Variants in IFT88 observed in about 807,000 individuals in gnomAD.
IFT88 encodes intraflagellar transport protein 88 homolog.
Under a neutral mutation model 119.5 loss-of-function variants are expected in IFT88, and 74 were observed. The observed-to-expected ratio is 0.62, with a 90% confidence interval of 0.51 to 0.75. The LOEUF is 0.75. Among genes scored for constraint, IFT88 ranks in the 30% least tolerant of loss-of-function variants. The probability of loss-of-function intolerance (pLI) is 0.00; values close to 1 mark genes in which losing one functional copy is unlikely to be tolerated. For synonymous variants in IFT88, 279 were observed against 316.7 expected, an observed-to-expected ratio of 0.88 and a Z score of 1.26; for missense variants, 961 against 977.7, an observed-to-expected ratio of 0.98 and a Z score of 0.23.
intron 24 of IFT88, among the ~76,000 whole-genome samples, chr13:20,676,488 A>T (rs1383274543): frequency 6.6e-6 from 1 of 152,246 alleles, no homozygotes; most frequent in Non-Finnish European, 1.5e-5. Flanking sequence ...TGTCCACTGC[A>T]CTGCCAGCGC....
chr13:20,612,368 C>T (rs1313726764), intron 13 of IFT88: 1 of 152,080 alleles, frequency 6.6e-6, no homozygotes, highest in Non-Finnish European at 1.5e-5. Context: ...ACACTATACA[C>T]TACCCATGAA....
intron 20 of IFT88, among the ~76,000 whole-genome samples, chr13:20,651,498 AT>A (rs2051691634): frequency 6.7e-6 from 1 of 149,932 alleles, no homozygotes; most frequent in Non-Finnish European, 1.5e-5. Flanking sequence ...TAGCCTCAGC[AT>A]TATTTATAGT....
At chr13:20,611,069 G>C (rs945005351) in intron 13 of IFT88, among the ~76,000 whole-genome samples, 8 of 151,814 alleles carry the variant, frequency 5.3e-5, no homozygotes, top group Non-Finnish European at 8.8e-5. Context: ...ACCAGCCTGG[G>C]TGACAGAGTG....
intron 2 of IFT88, among the ~76,000 whole-genome samples, chr13:20,582,071 A>AC (rs2038795267): frequency 6.6e-6 from 1 of 151,724 alleles, no homozygotes; most frequent in Non-Finnish European, 1.5e-5. Flanking sequence ...TGGGAAGTAG[A>AC]TTGAAATAAA....
chr13:20,654,543 A>T (rs2052406196), intron 21 of IFT88, among the ~76,000 whole-genome samples: 1 of 152,238 alleles, frequency 6.6e-6, no homozygotes, highest in South Asian at 2.1e-4. Context: ...CCTCTTGTAG[A>T]GCATAAAAAT....
intron 20 of IFT88, among the ~76,000 whole-genome samples, chr13:20,651,796 G>A (rs538201934): frequency 2.8e-4 from 42 of 152,228 alleles, no homozygotes; most frequent in Non-Finnish European, 5.4e-4. Flanking sequence ...ATAGGGTTCA[G>A]TAGTATTTGT....
In IFT88 at chr13:20,568,074, G is replaced by A. The variant is rs1051624272; in HGVS notation, c.-7+818G>A. The A allele has an allele frequency of 9.9e-6, 7 of 705,016 alleles. No individual in the cohort carries two copies. In the African/African-American group the frequency reaches 1.1e-4, roughly 11 times the overall value. The allele number at this position is 705,016 out of a possible 1,614,324, so 43.7% of individuals were successfully genotyped here. ...CAGAAAGTTTACGAATTTGTGTTGG[G>A]CCACATTCAAAGCCGTCCTGTGCCA... On this transcript the variant is annotated intron_variant, in intron 1 of 25. Coordinates refer to ENST00000351808, the MANE Select transcript of IFT88 (RefSeq NM_006531.5).
At chr13:20,603,362 G>A (rs936165622) in intron 12 of IFT88, among the ~76,000 whole-genome samples, 22 of 149,820 alleles carry the variant, frequency 1.5e-4, no homozygotes, top group Admixed American at 1.4e-3. Context: ...CTCCAGCCTG[G>A]GTGACAAGAG....
chr13:20,668,653 A>G (rs2055196948), intron 23 of IFT88, among the ~76,000 whole-genome samples: 1 of 152,114 alleles, frequency 6.6e-6, no homozygotes, highest in South Asian at 2.1e-4. Flanking sequence ...GAGAAAGACA[A>G]ACCGGTAGAG....
At chr13:20,585,113 T>C (rs1031067409) in intron 3 of IFT88, among the ~76,000 whole-genome samples, 4 of 152,204 alleles carry the variant, frequency 2.6e-5, no homozygotes, top group Non-Finnish European at 5.9e-5. Context: ...TGTGAGTAGC[T>C]TGCCCATCTC....
rs1555262657 is a variant in IFT88 at position 20,597,754 on chromosome 13, A to AT, written c.594+635_594+636insT. 2.7e-3 allele frequency among the ~76,000 whole-genome samples: 384 copies of AT among 142,650 alleles called. 4 individuals are homozygous for AT. Among genetic ancestry groups the AT allele is most frequent in the East Asian group, 0.024 (120 of 5,030 alleles). The allele number at this position is 142,650 out of a possible 152,430, so 93.6% of individuals were successfully genotyped here. On this transcript the variant is annotated intron_variant, in intron 9 of 25. Coordinates refer to ENST00000351808, the MANE Select transcript of IFT88 (RefSeq NM_006531.5). ...GAGCGAGACTCCGTCTCAAAAAAAA[A>AT]ATATATATATATATATTTTTTTTTT...
intron 16 of IFT88, among the ~76,000 whole-genome samples, chr13:20,635,483 C>T (rs1198149464): frequency 6.6e-6 from 1 of 152,206 alleles, no homozygotes; most frequent in Non-Finnish European, 1.5e-5. Flanking sequence ...GCTCCCTAGT[C>T]TGAGAAAAAC....
chr13:20,585,589 G>A (rs530739810), intron 3 of IFT88, among the ~76,000 whole-genome samples: 8 of 152,226 alleles, frequency 5.3e-5, no homozygotes, highest in South Asian at 4.2e-4. Context: ...CTCTAGTCCC[G>A]GAGGTTCAGG....
Position 20,641,307 on chromosome 13 carries a change from C to T in IFT88, c.1591C>T (p.Leu531=). ...LYNIGLTYEK[L]NRLDEALDCF... ...TTTTTAAGGCCTTACCTATGAGAAA[C>T]TAAATCGGCTAGATGAGGCTTTGGA... Residue 531 remains leucine, a synonymous_variant, in exon 18 of 26, where the codon CTA becomes TTA. Coordinates refer to ENST00000351808, the MANE Select transcript of IFT88 (RefSeq NM_006531.5). 6.2e-7 allele frequency: 1 copy of T among 1,607,506 alleles called. No homozygotes were observed. The highest frequency in any genetic ancestry group is 8.5e-7 in the Non-Finnish European group (1 of 1,175,816).
At chr13:20,607,463 A>G in intron 13 of IFT88, 1 of 674,318 alleles carries the variant, frequency 1.5e-6, no homozygotes, top group South Asian at 1.5e-5. Flanking sequence ...CATCCCCATC[A>G]TCAGCGGCGT....
At chr13:20,618,861 CTT>C (rs34629198) in intron 14 of IFT88, among the ~76,000 whole-genome samples, 65 of 128,600 alleles carry the variant, frequency 5.1e-4, no homozygotes, top group Admixed American at 6.2e-4. Context: ...TTTTTTTTCC[CTT>C]TTTTTTTTTT....
intron 23 of IFT88, 109 bp downstream of exon 23, chr13:20,663,713 T>G: frequency 1.3e-6 from 1 of 763,578 alleles, no homozygotes; most frequent in Non-Finnish European, 2.1e-6. Context: ...GAGTTGAAAT[T>G]TTTTTCTGCT....
chr13:20,612,410 T>TG (rs1177981773), intron 13 of IFT88: 10 of 152,138 alleles, frequency 6.6e-5, no homozygotes, highest in Non-Finnish European at 1.3e-4. Context: ...CATTTATAAT[T>TG]GCATAAAAAT....
intron 15 of IFT88, among the ~76,000 whole-genome samples, chr13:20,626,866 C>T (rs1192289480): frequency 6.6e-6 from 1 of 152,170 alleles, no homozygotes; most frequent in East Asian, 1.9e-4. Context: ...CTAGAAAACT[C>T]AGCTCTTCCC....
Sources: gnomAD v4.1 joint callset for allele counts (sites outside exome capture counted in the v4.1 genomes callset) on GRCh38, gnomAD v4.1.1 for gene constraint, MANE v1.5 for transcripts, NCBI Gene and HGNC (gene_info 2026-07-23, HGNC 2026-07-21) for gene names.